Variants in SLC44A3 observed in about 807,000 individuals in gnomAD.
SLC44A3 encodes the protein choline transporter-like protein 3.
In SLC44A3, 74 loss-of-function variants were observed where a neutral mutation model predicts 75.4. The observed-to-expected ratio is 0.98, with a 90% CI of 0.81 to 1.19. The LOEUF (loss-of-function observed/expected upper bound fraction) is 1.19, where lower values mean the gene tolerates loss of function less well. Among genes scored for constraint, SLC44A3 ranks in the 50% most tolerant of loss-of-function variants. SLC44A3 has a pLI of 0.00. For synonymous variants in SLC44A3, 310 were observed against 296.9 expected (o/e 1.04, Z -0.45); for missense variants, 700 against 778.6 (o/e 0.90, Z 1.20).
At position 94,892,483 on chromosome 1, in the gene SLC44A3, C is replaced by T; in HGVS notation, c.1823C>T (p.Ser608Leu). 6.2e-7 allele frequency: 1 copy of T among 1,614,170 alleles called. No homozygotes were observed. Among genetic ancestry groups the T allele is most frequent in the Non-Finnish European group, 8.5e-7 (1 of 1,180,042 alleles). The change falls in exon 14 of 15, where the codon TCA becomes TTA. Residue 608 changes from serine to leucine, a missense_variant. By Grantham distance (145) the Ser-to-Leu change is moderately radical. Coordinates refer to ENST00000271227, the MANE Select transcript of SLC44A3 (RefSeq NM_001114106.3). ...GATCTGGAAACAAATGATGGATCGT[C>T]AGAAAAGCCCTACTTTATGGATCAA... ...AVDLETNDGS[S>L]EKPYFMDQEF...
At chr1:94,886,780 T>G (rs1669639426) in intron 12 of SLC44A3, among the ~76,000 whole-genome samples, 1 of 152,168 alleles carries the variant, frequency 6.6e-6, no homozygotes, top group Non-Finnish European at 1.5e-5. Flanking sequence ...CATTAAAGTC[T>G]GAAAACTAAT....
rs1284717501 is a variant in SLC44A3, at chr1:94,850,149, T to C, written c.1072+4685T>C. Among the ~76,000 whole-genome samples the C allele has an allele frequency of 2.0e-5, 3 of 152,344 alleles. No homozygotes were observed. The East Asian group carries it at 5.8e-4, about 29-fold the overall frequency. ...CCAGATGGGCTATTTTTCTAATGAC[T>C]GTTAATCATTCTTTTGACTAGTTGA... On this transcript the variant is annotated intron_variant, in intron 9 of 14. Coordinates refer to ENST00000271227, the MANE Select transcript of SLC44A3 (RefSeq NM_001114106.3).
At chr1:94,868,281 AG>A (rs1272546188) in intron 12 of SLC44A3, among the ~76,000 whole-genome samples, 1 of 152,210 alleles carries the variant, frequency 6.6e-6, no homozygotes, top group East Asian at 1.9e-4. Context: ...CACTTAGAAA[AG>A]TATTTCTTAT....
intron 12 of SLC44A3, among the ~76,000 whole-genome samples, chr1:94,885,780 G>C (rs925504799): frequency 1.4e-4 from 22 of 152,212 alleles, no homozygotes; most frequent in Admixed American, 1.3e-3. Context: ...GAATGTGTTC[G>C]GGGAGAGGTA....
At chr1:94,857,569 C>A in intron 10 of SLC44A3, 69 bp downstream of exon 10, 2 of 1,405,656 alleles carry the variant, frequency 1.4e-6, no homozygotes, top group South Asian at 1.5e-5. Context: ...GTTAATATCT[C>A]AAAAGATATT....
chr1:94,840,084 G>T, intron 7 of SLC44A3, 47 bp downstream of exon 7: 4 of 1,508,744 alleles, frequency 2.7e-6, no homozygotes, highest in Non-Finnish European at 3.7e-6. Flanking sequence ...TAAATGAAAA[G>T]CCTTTACATT....
At chr1:94,824,407 C>G (rs1661020647) in intron 2 of SLC44A3, 86 bp from the exon 3 acceptor site, 1 of 1,452,236 alleles carries the variant, frequency 6.9e-7, no homozygotes, top group Non-Finnish European at 9.1e-7. Context: ...CCACCAGGCT[C>G]CGTTTTATAT....
At chr1:94,852,822 A>G (rs1276019459) in intron 9 of SLC44A3, among the ~76,000 whole-genome samples, 2 of 152,238 alleles carry the variant, frequency 1.3e-5, no homozygotes, top group Non-Finnish European at 2.9e-5. Flanking sequence ...GGCCTGAGCA[A>G]CTGGAAGATA....
chr1:94,872,204 T>G (rs2101532908), intron 12 of SLC44A3, among the ~76,000 whole-genome samples: 2 of 152,172 alleles, frequency 1.3e-5, no homozygotes. Flanking sequence ...CAGGTTTAAG[T>G]GATTCTCCTG....
intron 10 of SLC44A3, among the ~76,000 whole-genome samples, chr1:94,859,459 C>T (rs761564098): frequency 7.9e-5 from 12 of 152,154 alleles, no homozygotes; most frequent in Non-Finnish European, 1.6e-4. Flanking sequence ...CTGGAGAAAG[C>T]AGAAGCAGCC....
intron 2 of SLC44A3, among the ~76,000 whole-genome samples, chr1:94,823,605 A>G (rs1354925251): frequency 2.0e-5 from 3 of 152,250 alleles, no homozygotes; most frequent in African/African-American, 7.2e-5. Flanking sequence ...TTTCTAAATT[A>G]GTAATAAATG....
chr1:94,847,382 C>T (rs191666590), intron 9 of SLC44A3, among the ~76,000 whole-genome samples: 3 of 152,334 alleles, frequency 2.0e-5, no homozygotes, highest in Admixed American at 2.0e-4. Flanking sequence ...GGAAAGCGAG[C>T]ATGCCCCTCC....
chr1:94,852,759 A>T (rs960585045), intron 9 of SLC44A3, among the ~76,000 whole-genome samples: 10 of 152,134 alleles, frequency 6.6e-5, no homozygotes, highest in African/African-American at 2.4e-4. Context: ...AGCAAATTGG[A>T]TTTTCTGGTT....
intron 12 of SLC44A3, among the ~76,000 whole-genome samples, chr1:94,880,003 A>G (rs1030414087): frequency 6.6e-6 from 1 of 152,224 alleles, no homozygotes; most frequent in African/African-American, 2.4e-5. Flanking sequence ...GATGACCACT[A>G]TCAAAAGAAC....
At chr1:94,837,943 A>G (rs534439579) in intron 6 of SLC44A3, 72 bp downstream of exon 6, 3 of 1,306,980 alleles carry the variant, frequency 2.3e-6, no homozygotes, top group Non-Finnish European at 3.1e-6. Context: ...TATATGTTGT[A>G]CAATGAAAAT....
At chr1:94,843,579 A>T (rs1464241784) in intron 8 of SLC44A3, 1 of 152,132 alleles carries the variant, frequency 6.6e-6, no homozygotes, top group East Asian at 1.9e-4. Context: ...TTGACGGCAG[A>T]AACGCTCCAG....
At chr1:94,872,446 C>T (rs1172413116) in intron 12 of SLC44A3, among the ~76,000 whole-genome samples, 3 of 151,748 alleles carry the variant, frequency 2.0e-5, no homozygotes, top group Non-Finnish European at 4.4e-5. Context: ...CATTGCATTC[C>T]TCTTCAATGC....
Position 94,866,623 on chromosome 1 carries a change from T to C in SLC44A3, c.1396-708T>C, listed in dbSNP as rs74104708. ...AAGTTTCATCCAATTGAATTCACAT[T>C]GGGATGAGAAAATGTCCATATAAGG... On this transcript the variant is annotated intron_variant, in intron 11 of 14. Transcript: ENST00000271227. Among the ~76,000 whole-genome samples the C allele has an allele frequency of 5.3e-3, 814 of 152,270 alleles. 12 individuals carry two copies. The highest frequency in any genetic ancestry group is 0.02 in the Middle Eastern group (6 of 294).
intron 1 of SLC44A3, chr1:94,820,690 G>A: frequency 1.5e-6 from 2 of 1,377,050 alleles, no homozygotes; most frequent in East Asian, 2.7e-5. Flanking sequence ...GCCGCGGGGC[G>A]CAAACTTGGG....
Sources: gnomAD v4.1 joint callset for allele counts (sites outside exome capture counted in the v4.1 genomes callset) on GRCh38, gnomAD v4.1.1 for gene constraint, MANE v1.5 for transcripts, NCBI Gene and HGNC (gene_info 2026-07-23, HGNC 2026-07-21) for gene names.